The following MAL variants were observed in gnomAD, a reference collection of about 807,000 sequenced individuals.
MAL encodes mal, T cell differentiation protein (MAL blood group), also known as myelin and lymphocyte protein.
Under a neutral mutation model 16.7 loss-of-function variants are expected in MAL, and 5 were observed. The ratio of observed to expected loss-of-function variants is 0.30; its 90% CI spans 0.16 to 0.63. The LOEUF (loss-of-function observed/expected upper bound fraction) is 0.63, where lower values mean the gene tolerates loss of function less well. Among genes scored for constraint, MAL ranks in the 30% least tolerant of loss-of-function variants. The pLI, the probability that MAL is intolerant of heterozygous loss-of-function variation, is 0.82. For missense variants in MAL, 202 were observed against 195.8 expected, an observed-to-expected ratio of 1.03 and a Z score of -0.19; for synonymous variants, 96 against 85.5, an observed-to-expected ratio of 1.12 and a Z score of -0.67.
chr2:95,040,079 AC>A (rs1260238163), intron 1 of MAL, among the ~76,000 whole-genome samples: 1 of 152,006 alleles, frequency 6.6e-6, no homozygotes, highest in Non-Finnish European at 1.5e-5. Context: ...TGTGCCATTT[AC>A]TTGCTCTACA....
chr2:95,030,452 G>A (rs567488030), intron 1 of MAL, among the ~76,000 whole-genome samples: 109 of 152,282 alleles, frequency 7.2e-4, no homozygotes, highest in Admixed American at 1.6e-3. Flanking sequence ...CTCTGTCTCC[G>A]TCTCCATTCT....
intron 1 of MAL, among the ~76,000 whole-genome samples, chr2:95,030,255 T>C (rs1674045244): frequency 6.6e-6 from 1 of 152,098 alleles, no homozygotes; most frequent in Admixed American, 6.5e-5. Context: ...TCCAAATACC[T>C]CCAGAGCCAC....
chr2:95,033,276 T>C (rs983708776), intron 1 of MAL, among the ~76,000 whole-genome samples: 1 of 152,216 alleles, frequency 6.6e-6, no homozygotes, highest in African/African-American at 2.4e-5. Flanking sequence ...CTCCCTCTTC[T>C]TCAGACTGAA....
chr2:95,041,232 C>T lies in MAL; in HGVS notation c.94-6727C>T, dbSNP rs538798182. 1.1e-4 allele frequency among the ~76,000 whole-genome samples: 16 copies of T among 152,320 alleles called. No homozygotes were observed. In the South Asian group the frequency reaches 2.1e-3, roughly 20 times the overall value. ...AATCTCAAGAATGTGCCAGAGAATG[C>T]GTCTTCCCGTCCTTGATGACCAGGC... is the stretch of plus-strand genomic sequence containing the variant. On this transcript the variant is annotated intron_variant, in intron 1 of 3. Transcript: ENST00000309988.
chr2:95,050,243 T>G (rs1212124901), intron 3 of MAL, among the ~76,000 whole-genome samples: 11 of 152,004 alleles, frequency 7.2e-5, no homozygotes, highest in Non-Finnish European at 1.0e-4. Flanking sequence ...CAGCCAGGGG[T>G]GGGGACGCTG....
At chr2:95,042,323 C>T (rs1276454819) in intron 1 of MAL, among the ~76,000 whole-genome samples, 3 of 152,206 alleles carry the variant, frequency 2.0e-5, no homozygotes, top group East Asian at 3.8e-4. Flanking sequence ...CAACACATCA[C>T]GAGGCCTTGG....
intron 1 of MAL, among the ~76,000 whole-genome samples, chr2:95,041,171 A>G (rs776757892): frequency 2.0e-5 from 3 of 152,164 alleles, no homozygotes; most frequent in Non-Finnish European, 4.4e-5. Context: ...GTGGATGAAG[A>G]GTTCTTTCAG....
chr2:95,036,049 C>T (rs1237288208), intron 1 of MAL, among the ~76,000 whole-genome samples: 3 of 152,198 alleles, frequency 2.0e-5, no homozygotes, highest in African/African-American at 4.8e-5. Flanking sequence ...CTGCTCTTGC[C>T]TTCAGATTAG....
chr2:95,043,485 G>A (rs753627602), intron 1 of MAL, among the ~76,000 whole-genome samples: 2 of 152,234 alleles, frequency 1.3e-5, no homozygotes, highest in Admixed American at 1.3e-4. Context: ...ATCACTTGCT[G>A]CAGCGTCCCA....
chr2:95,038,316 CTGAG>C lies in MAL; in HGVS notation c.94-9631_94-9628del, dbSNP rs1189622446. Among the ~76,000 whole-genome samples, 12 of 129,394 alleles carry C rather than the reference CTGAG, an allele frequency of 9.3e-5. No homozygotes were observed. In the South Asian group the frequency reaches 2.9e-3, roughly 31 times the overall value. The allele number at this position is 129,394 out of a possible 152,430, so 84.9% of individuals were successfully genotyped here. A position where few individuals can be genotyped will look rare whatever the true frequency, so the allele number is the denominator to read the frequency against. The stretch of plus-strand genomic sequence containing the variant: ...AGTGAGTGACTTGGTGAGTGAGTGA[CTGAG>C]TGAGTGAGTGACTGAGTGAGTGAGT... On this transcript the variant is annotated intron_variant, in intron 1 of 3. Coordinates refer to ENST00000309988, the MANE Select transcript of MAL (RefSeq NM_002371.4).
intron 1 of MAL, among the ~76,000 whole-genome samples, chr2:95,031,480 A>T (rs1674080258): frequency 6.6e-6 from 1 of 152,204 alleles, no homozygotes; most frequent in Non-Finnish European, 1.5e-5. Flanking sequence ...ACTGGCTGAG[A>T]CTTGGAGCGG....
intron 1 of MAL, among the ~76,000 whole-genome samples, chr2:95,039,994 T>C (rs577565886): frequency 2.2e-4 from 34 of 152,272 alleles, no homozygotes; most frequent in African/African-American, 7.0e-4. Flanking sequence ...CCTGACCTCC[T>C]GCTCTGTGCA....
chr2:95,048,840 G>A (rs1396713419), intron 2 of MAL, among the ~76,000 whole-genome samples: 7 of 152,066 alleles, frequency 4.6e-5, no homozygotes, highest in Non-Finnish European at 1.0e-4. Context: ...TTTTGAGTTG[G>A]GGGTCTCATT....
At chr2:95,049,494 A>T (rs1674665398) in intron 2 of MAL, 87 bp from the exon 3 acceptor site, 1 of 1,534,184 alleles carries the variant, frequency 6.5e-7, no homozygotes, top group Admixed American at 1.8e-5. Flanking sequence ...GGGGAGAGGC[A>T]AGGGGCGGGG....
At position 95,025,816 on chromosome 2, in the gene MAL, G is replaced by A. The variant is rs373299589; in HGVS notation, c.24G>A (p.Gly8=). 6 of 1,569,834 alleles carry A rather than the reference G, an allele frequency of 3.8e-6. No individual in the cohort carries two copies. The highest frequency in any genetic ancestry group is 4.3e-6 in the Non-Finnish European group (5 of 1,158,596). Residue 8 remains glycine, a synonymous_variant, in exon 1 of 4, where the codon GGG becomes GGA. Coordinates refer to ENST00000309988, the MANE Select transcript of MAL (RefSeq NM_002371.4). This position sits in a 1 kb window ranked among gnomAD's most constrained non-coding sequence, Gnocchi z 5.6. Reference sequence around the variant, plus strand: ...TCATGGCCCCCGCAGCGGCGACGGGGGGCAGCACCCTGCCCAGTGGCTTCT... The same window carrying A: ...TCATGGCCCCCGCAGCGGCGACGGGAGGCAGCACCCTGCCCAGTGGCTTCT... MAPAAAT[G]GSTLPSGFSV... is the part of the protein sequence containing the mutation.
At chr2:95,048,262 C>A in intron 2 of MAL, 136 bp downstream of exon 2, 5 of 975,950 alleles carry the variant, frequency 5.1e-6, no homozygotes, top group South Asian at 3.3e-5. Context: ...CAAGGCTGAG[C>A]CTGCCCAGGG....
At chr2:95,038,782 A>G (rs1454186587) in intron 1 of MAL, among the ~76,000 whole-genome samples, 107 of 74,076 alleles carry the variant, frequency 1.4e-3, no homozygotes, top group Middle Eastern at 0.033. Flanking sequence ...GTGAGTGAGC[A>G]AGTGAGTGAG....
intron 3 of MAL, 89 bp from the exon 4 acceptor site, chr2:95,053,292 C>T (rs368956568): frequency 3.6e-5 from 32 of 896,736 alleles, no homozygotes; most frequent in Admixed American, 3.2e-4. Flanking sequence ...TCTGGCCCCC[C>T]CTACGCCACG....
At chr2:95,039,622 GTGAGTGAGTGAC>G (rs937528360) in intron 1 of MAL, among the ~76,000 whole-genome samples, 14 of 150,828 alleles carry the variant, frequency 9.3e-5, no homozygotes, top group Admixed American at 2.6e-4. Context: ...GTGACAGTGG[GTGAGTGAGTGAC>G]TGAGTGAGTG....
Sources: gnomAD v4.1 joint callset for allele counts (sites outside exome capture counted in the v4.1 genomes callset) on GRCh38, gnomAD v4.1.1 for gene constraint, Gnocchi (gnomAD v3.1) non-coding constraint, MANE v1.5 for transcripts, NCBI Gene and HGNC (gene_info 2026-07-23, HGNC 2026-07-21) for gene names.